ASIC2: variants seen among roughly 807,000 people sequenced by gnomAD.
The protein encoded by ASIC2 is acid-sensing ion channel 2.
ASIC2 carries 25 observed loss-of-function variants against 57.3 expected under a neutral mutation model. That is an observed-to-expected ratio of 0.44 (90% CI 0.32 to 0.61). The LOEUF is 0.61. ASIC2 is among the 20% of genes least tolerant of loss of function. ASIC2 has a pLI of 0.06. For synonymous variants in ASIC2, 319 were observed against 307.5 expected, an observed-to-expected ratio of 1.04 and a Z score of -0.39; for missense variants, 641 against 738.1, an observed-to-expected ratio of 0.87 and a Z score of 1.52.
At chr17:33,277,232 A>G (rs1904740996) in intron 1 of ASIC2, among the ~76,000 whole-genome samples, 1 of 152,204 alleles carries the variant, frequency 6.6e-6, no homozygotes. Flanking sequence ...CATTGGGATC[A>G]GGGAAGACTT....
At chr17:33,285,328 T>C (rs1905106409) in intron 1 of ASIC2, among the ~76,000 whole-genome samples, 1 of 152,246 alleles carries the variant, frequency 6.6e-6, no homozygotes, top group Non-Finnish European at 1.5e-5. Flanking sequence ...CTTTTCATGT[T>C]CCTTGTATAA....
chr17:33,525,496 A>G (rs1914861509), intron 1 of ASIC2, among the ~76,000 whole-genome samples: 3 of 152,108 alleles, frequency 2.0e-5, no homozygotes, highest in Admixed American at 2.0e-4. Context: ...GAGCAATAAA[A>G]CTGACAGGGG....
chr17:34,041,292 C>T (rs981531443), intron 1 of ASIC2: 1 of 152,204 alleles, frequency 6.6e-6, no homozygotes, highest in Non-Finnish European at 1.5e-5. Context: ...GAAGAAGAGA[C>T]TGGTTGGAGA....
At chr17:33,025,684 C>A (rs538012855) in intron 5 of ASIC2, among the ~76,000 whole-genome samples, 3 of 152,132 alleles carry the variant, frequency 2.0e-5, no homozygotes, top group Admixed American at 6.5e-5. Context: ...ATATCTCTTT[C>A]TCTCCCCAGT....
intron 1 of ASIC2, among the ~76,000 whole-genome samples, chr17:34,044,122 A>ACG (rs1555585843): frequency 4.8e-4 from 24 of 50,358 alleles, no homozygotes; most frequent in African/African-American, 4.7e-3. Flanking sequence ...ACACACACAC[A>ACG]CACGCACGCA....
intron 1 of ASIC2, among the ~76,000 whole-genome samples, chr17:33,346,538 G>A (rs1907957623): frequency 6.6e-6 from 1 of 152,182 alleles, no homozygotes; most frequent in South Asian, 2.1e-4. Flanking sequence ...ACATGCTCGT[G>A]CACATGTGCC....
rs1597602336 is a variant in ASIC2 at position 33,145,850 on chromosome 17, A to G, written c.709-33783T>C. 1.1e-4 allele frequency among the ~76,000 whole-genome samples: 16 copies of G among 152,306 alleles called. No individual in the cohort carries two copies. In the South Asian group the frequency reaches 3.3e-3, roughly 32 times the overall value. On this transcript the variant is annotated intron_variant, in intron 1 of 9. Transcript: ENST00000225823. Reference sequence around the variant, plus strand: ...TTTCTCCTCTTGATGACTTGCTGAAAGAATTGGTGGCAAGGGCACAGGGCA... The same window carrying G: ...TTTCTCCTCTTGATGACTTGCTGAAGGAATTGGTGGCAAGGGCACAGGGCA...
chr17:33,733,687 G>T (rs1909818134), intron 1 of ASIC2, among the ~76,000 whole-genome samples: 1 of 152,168 alleles, frequency 6.6e-6, no homozygotes, highest in African/African-American at 2.4e-5. Flanking sequence ...CCACTGCTAA[G>T]AAATTAATAT....
chr17:33,892,570 T>C lies in ASIC2; in HGVS notation c.555+263408A>G, dbSNP rs376814713. ...GGGCAACCACTTCGTGCCTTCCATA[T>C]CTGTATAATCCACACTGAATTGTAC... On this transcript the variant is annotated intron_variant, in intron 1 of 9. Transcript: ENST00000359872. Among the ~76,000 whole-genome samples, 404 of 152,284 alleles carry C rather than the reference T, an allele frequency of 2.7e-3. 2 individuals carry two copies. In the Middle Eastern group the frequency reaches 0.031, roughly 12 times the overall value.
chr17:33,997,713 G>A (rs1441519725), intron 1 of ASIC2, among the ~76,000 whole-genome samples: 1 of 151,552 alleles, frequency 6.6e-6, no homozygotes, highest in African/African-American at 2.4e-5. Flanking sequence ...TTGCATCCTA[G>A]GGATAAATCC....
intron 1 of ASIC2, among the ~76,000 whole-genome samples, chr17:33,883,201 A>G (rs930244244): frequency 6.6e-6 from 1 of 152,202 alleles, no homozygotes; most frequent in African/African-American, 2.4e-5. Context: ...ATATGTAACA[A>G]ACCTGCACGT....
At chr17:33,605,705 C>T (rs1425112102) in intron 1 of ASIC2, among the ~76,000 whole-genome samples, 4 of 152,278 alleles carry the variant, frequency 2.6e-5, no homozygotes, top group East Asian at 1.9e-4. Flanking sequence ...AAACACTGGC[C>T]GAGACCAGAC....
intron 1 of ASIC2, among the ~76,000 whole-genome samples, chr17:34,138,389 C>G (rs974400943): frequency 6.6e-6 from 1 of 152,194 alleles, no homozygotes; most frequent in African/African-American, 2.4e-5. Flanking sequence ...TCCTTTGCTG[C>G]CCCACCTCTC....
Position 33,230,035 on chromosome 17 carries a change from G to T in ASIC2, c.708+61373C>A, listed in dbSNP as rs117735681. Among the ~76,000 whole-genome samples, 123 of 152,298 alleles carry T rather than the reference G, an allele frequency of 8.1e-4. 3 individuals are homozygous for T. In the East Asian group the frequency reaches 0.02, roughly 25 times the overall value. On this transcript the variant is annotated intron_variant, in intron 1 of 9. Coordinates refer to ENST00000225823, the MANE Select transcript of ASIC2 (RefSeq NM_183377.2). ...TGAACTGTGCCAGGCAGCCAAGGAT[G>T]GTTATGCAGGACATCTGTTCCCTCC...
chr17:33,904,532 C>G lies in ASIC2; in HGVS notation c.555+251446G>C, dbSNP rs535199634. On this transcript the variant is annotated intron_variant, in intron 1 of 9. Coordinates refer to the ASIC2 transcript ENST00000359872. ...TAGAGTTTGTACTTTTAAAAACTCC[C>G]TGTCATGCAACTAAGGTCGAGAACC... is the stretch of plus-strand genomic sequence containing the variant. Among the ~76,000 whole-genome samples, 3 of 152,310 alleles carry G rather than the reference C, an allele frequency of 2.0e-5. No individual in the cohort carries two copies. The South Asian group carries it at 6.2e-4, about 32-fold the overall frequency.
chr17:34,041,218 T>C (rs1908119439), intron 1 of ASIC2: 1 of 152,170 alleles, frequency 6.6e-6, no homozygotes, highest in Non-Finnish European at 1.5e-5. Context: ...CAAAAGACAG[T>C]AGGGTTCCAC....
intron 1 of ASIC2, among the ~76,000 whole-genome samples, chr17:33,737,648 G>A (rs1482301385): frequency 6.6e-6 from 1 of 152,214 alleles, no homozygotes. Context: ...GAGCACCAAT[G>A]TGTAAAATAC....
At chr17:33,098,539 T>C (rs888467636) in intron 2 of ASIC2, among the ~76,000 whole-genome samples, 2 of 152,190 alleles carry the variant, frequency 1.3e-5, no homozygotes, top group Non-Finnish European at 2.9e-5. Flanking sequence ...ATGCCTGTTC[T>C]GGGTGGCAGC....
intron 1 of ASIC2, among the ~76,000 whole-genome samples, chr17:33,175,204 G>A (rs1905702124): frequency 6.6e-6 from 1 of 152,094 alleles, no homozygotes; most frequent in Non-Finnish European, 1.5e-5. Context: ...AATTAGTACT[G>A]ATTAGGCATT....
Sources: gnomAD v4.1 joint callset for allele counts (sites outside exome capture counted in the v4.1 genomes callset) on GRCh38, gnomAD v4.1.1 for gene constraint, MANE v1.5 for transcripts, NCBI Gene and HGNC (gene_info 2026-07-23, HGNC 2026-07-21) for gene names.